MINDY2: variants seen among roughly 807,000 people sequenced by gnomAD.
MINDY2 encodes the protein ubiquitin carboxyl-terminal hydrolase MINDY-2.
In MINDY2, 52 loss-of-function variants were observed where a neutral mutation model predicts 68.2. The observed-to-expected ratio is 0.76, with a 90% CI of 0.61 to 0.96. The LOEUF is 0.96. Ranked by LOEUF, MINDY2 falls within the 40% of genes least tolerant of loss-of-function variation. MINDY2 has a pLI of 0.00. For missense variants in MINDY2, 881 were observed against 773.4 expected (o/e 1.14, Z -1.65); for synonymous variants, 372 against 303.0 (o/e 1.23, Z -2.36).
chr15:58,847,431 T>C lies in MINDY2; in HGVS notation c.1503T>C (p.Pro501=). ...TTCATCTTCGACCTCCTTCAGATCCTGAAACTGTATACAAAGGACAACAAG... is the reference window on the plus strand; with the variant it reads ...TTCATCTTCGACCTCCTTCAGATCCCGAAACTGTATACAAAGGACAACAAG... ...SEFHLRPPSD[P]ETVYKGQQDQ... The change falls in exon 7 of 9, where the codon CCT becomes CCC. Residue 501 remains proline, a synonymous_variant. Coordinates refer to ENST00000559228, the MANE Select transcript of MINDY2 (RefSeq NM_001040450.3). 1 of 1,602,112 alleles carries C rather than the reference T, an allele frequency of 6.2e-7. No homozygotes were observed. Among genetic ancestry groups the C allele is most frequent in the Non-Finnish European group, 8.5e-7 (1 of 1,171,030 alleles).
In MINDY2 at chr15:58,836,302, A is replaced by G. The variant is rs149645460; in HGVS notation, c.1368+4386A>G. ...TCACCCAGGATGGAGTGCAGTGGCT[A>G]CTATCATTCTCAGTATCTAATAATC... On this transcript the variant is annotated intron_variant, in intron 6 of 8. Transcript: ENST00000559228. 4.8e-4 allele frequency among the ~76,000 whole-genome samples: 73 copies of G among 150,730 alleles called. 3 individuals carry two copies. In the East Asian group the frequency reaches 0.014, roughly 30 times the overall value.
chr15:58,854,556 AC>A lies in MINDY2; in HGVS notation c.1813del (p.Arg605GlufsTer52). 6.2e-7 allele frequency: 1 copy of A among 1,613,846 alleles called. No individual in the cohort carries two copies. The highest frequency in any genetic ancestry group is 8.5e-7 in the Non-Finnish European group (1 of 1,179,964). ...GNSERKRKEP[R>X]EKDKEKEKEK... ...ATAGTGAACGTAAACGGAAGGAACC[AC>A]GAGAAAAAGATAAAGAAAAAGAAAA... On this transcript the variant is annotated frameshift_variant, in exon 9 of 9. Coordinates refer to ENST00000559228, the MANE Select transcript of MINDY2 (RefSeq NM_001040450.3). LOFTEE classifies it high-confidence loss of function.
intron 4 of MINDY2, among the ~76,000 whole-genome samples, chr15:58,817,390 G>A (rs1012255855): frequency 2.2e-4 from 34 of 152,192 alleles, no homozygotes; most frequent in African/African-American, 8.2e-4. Context: ...ATCAGAATTA[G>A]AGACCACTGT....
intron 1 of MINDY2, among the ~76,000 whole-genome samples, chr15:58,777,814 G>A (rs1053482417): frequency 6.6e-6 from 1 of 151,536 alleles, no homozygotes; most frequent in East Asian, 1.9e-4. Flanking sequence ...ATGGAGACGG[G>A]GTCTCACTAT....
At chr15:58,780,766 G>A (rs1901083246) in intron 1 of MINDY2, among the ~76,000 whole-genome samples, 1 of 152,014 alleles carries the variant, frequency 6.6e-6, no homozygotes, top group African/African-American at 2.4e-5. Flanking sequence ...TGAATCAGCT[G>A]GCCTTTCCCA....
intron 4 of MINDY2, among the ~76,000 whole-genome samples, chr15:58,818,786 C>T (rs1170937979): frequency 6.6e-6 from 1 of 151,462 alleles, no homozygotes; most frequent in African/African-American, 2.4e-5. Flanking sequence ...ATTACTGGTG[C>T]CCACCACCAC....
At chr15:58,809,021 G>A (rs903669014) in intron 3 of MINDY2, among the ~76,000 whole-genome samples, 2 of 152,182 alleles carry the variant, frequency 1.3e-5, no homozygotes, top group East Asian at 3.8e-4. Context: ...GACCAGCCTG[G>A]GTAACATAGT....
intron 6 of MINDY2, among the ~76,000 whole-genome samples, chr15:58,835,632 G>C (rs980972212): frequency 6.6e-6 from 1 of 152,052 alleles, no homozygotes; most frequent in Non-Finnish European, 1.5e-5. Context: ...CAGCCTAAGC[G>C]ACAAGAGCGA....
intron 1 of MINDY2, among the ~76,000 whole-genome samples, chr15:58,781,232 A>G (rs1901122050): frequency 6.6e-6 from 1 of 152,042 alleles, no homozygotes; most frequent in South Asian, 2.1e-4. Flanking sequence ...TTGTATTTTT[A>G]GTAGAGACAG....
rs565786025 is a variant in MINDY2, at chr15:58,831,041, G to GTGTATATATA, written c.1226-732_1226-731insGTATATATAT. Among the ~76,000 whole-genome samples the GTGTATATATA allele has an allele frequency of 7.7e-3, 958 of 124,850 alleles. 35 individuals carry two copies. In the East Asian group the frequency reaches 0.11, roughly 15 times the overall value. 81.9% of individuals were successfully genotyped at this position (124,850 alleles called of 152,430 possible). ...TGTGTGTGTGTGTGTGTGTGTGTGT[G>GTGTATATATA]TATATATATATATATATATGTTTTA... On this transcript the variant is annotated intron_variant, in intron 5 of 8. Transcript: ENST00000559228.
chr15:58,793,725 G>A (rs534386782), intron 2 of MINDY2, among the ~76,000 whole-genome samples: 1 of 152,298 alleles, frequency 6.6e-6, no homozygotes, highest in South Asian at 2.1e-4. Context: ...AATAGGTGCA[G>A]GTAGGTGGGT....
intron 2 of MINDY2, among the ~76,000 whole-genome samples, chr15:58,798,244 G>A (rs1398039211): frequency 6.6e-6 from 1 of 151,668 alleles, no homozygotes; most frequent in Non-Finnish European, 1.5e-5. Flanking sequence ...AGCTACCCGA[G>A]CAGCTGGGAT....
chr15:58,836,721 C>T (rs909879521), intron 6 of MINDY2, among the ~76,000 whole-genome samples: 5 of 152,024 alleles, frequency 3.3e-5, no homozygotes, highest in Non-Finnish European at 5.9e-5. Flanking sequence ...TGGGTTCAAG[C>T]GATCCTCATG....
chr15:58,809,761 A>G (rs2030091673), intron 3 of MINDY2, among the ~76,000 whole-genome samples: 1 of 152,208 alleles, frequency 6.6e-6, no homozygotes, highest in South Asian at 2.1e-4. Flanking sequence ...TTAGTTGCAT[A>G]AGAGCATGGA....
chr15:58,822,525 C>G (rs529467549), intron 5 of MINDY2, among the ~76,000 whole-genome samples: 110 of 152,252 alleles, frequency 7.2e-4, no homozygotes, highest in African/African-American at 2.5e-3. Flanking sequence ...CTCAAGTACT[C>G]TAGATTTTAG....
chr15:58,851,916 A>C lies in MINDY2; in HGVS notation c.1688A>C (p.Glu563Ala). 1 of 1,604,158 alleles carries C rather than the reference A, an allele frequency of 6.2e-7. No homozygotes were observed. Among genetic ancestry groups the C allele is most frequent in the Non-Finnish European group, 8.5e-7 (1 of 1,177,748 alleles). The change falls in exon 8 of 9, where the codon GAA becomes GCA. Residue 563 changes from glutamate to alanine, a missense_variant. By Grantham distance (107) the Glu-to-Ala change is moderately radical. Transcript: ENST00000559228. ...EDRRASQYYQ[E>A]QEQAAAAAAA... ...AGACGGGCTTCTCAATACTATCAGG[A>C]ACAGGAACAAGCAGCAGCTGCTGCT... is the stretch of plus-strand genomic sequence containing the variant.
At chr15:58,841,304 A>G (rs1264067622) in intron 6 of MINDY2, among the ~76,000 whole-genome samples, 2 of 151,626 alleles carry the variant, frequency 1.3e-5, no homozygotes, top group Non-Finnish European at 2.9e-5. Context: ...TTTCTTATAA[A>G]TAATTTCAAT....
chr15:58,861,801 T>C lies in MINDY2; in HGVS notation c.*7191T>C, dbSNP rs1226774080. The C allele has an allele frequency of 6.6e-6, 1 of 152,226 alleles. No homozygotes were observed. The highest frequency in any genetic ancestry group is 1.5e-5 in the Non-Finnish European group (1 of 68,040). 9.4% of individuals were successfully genotyped at this position (152,226 alleles called of 1,614,324 possible). On this transcript the variant is annotated 3_prime_UTR_variant, in exon 9 of 9. Coordinates refer to ENST00000559228, the MANE Select transcript of MINDY2 (RefSeq NM_001040450.3). ...TTGTTGGGTTAAAATGTTGGCTGTT[T>C]TTGTTAATATACTTAAAACTGTAAC...
chr15:58,861,879 A>G lies in MINDY2; in HGVS notation c.*7269A>G, dbSNP rs2033227226. ...ATTATAGATTATATTTTATTTCAAT[A>G]AACTTTGATATTTAGACCAAAGTCT... On this transcript the variant is annotated 3_prime_UTR_variant, in exon 9 of 9. Transcript: ENST00000559228. 6.6e-6 allele frequency: 1 copy of G among 152,210 alleles called. No homozygotes were observed. Among genetic ancestry groups the G allele is most frequent in the African/African-American group, 2.4e-5 (1 of 41,452 alleles). The allele number at this position is 152,210 out of a possible 1,614,324, so 9.4% of individuals were successfully genotyped here.
Sources: allele counts gnomAD v4.1 joint callset (sites outside exome capture counted in the v4.1 genomes callset), GRCh38; gene constraint gnomAD v4.1.1; transcripts MANE v1.5; gene names NCBI Gene and HGNC (gene_info 2026-07-23, HGNC 2026-07-21).